ZNF211: variants seen among roughly 807,000 people sequenced by gnomAD.
ZNF211 encodes zinc finger protein 211.
A neutral mutation model predicts 12.1 loss-of-function variants in ZNF211; 18 were observed. The ratio of observed to expected loss-of-function variants is 1.48; its 90% confidence interval spans 1.03 to 2.20. The LOEUF (loss-of-function observed/expected upper bound fraction) is 2.20. Among genes scored for constraint, ZNF211 ranks in the 30% most tolerant of loss-of-function variants. ZNF211 has a pLI of 0.00. For missense variants in ZNF211, 677 were observed against 703.1 expected, an observed-to-expected ratio of 0.96 and a Z score of 0.42; for synonymous variants, 249 against 246.0, an observed-to-expected ratio of 1.01 and a Z score of -0.11.
rs774601675 is a variant in ZNF211, at chr19:57,633,916, C to T, written c.91-107C>T. Reference sequence around the variant, plus strand: ...GACCGAGGCGCACAGGTTAGACAGTCGACCCAAAGTTACGTGGCTCTGGGC... The same window carrying T: ...GACCGAGGCGCACAGGTTAGACAGTTGACCCAAAGTTACGTGGCTCTGGGC... On this transcript the variant is annotated intron_variant, in intron 1 of 3. Transcript: ENST00000240731. 3 of 1,607,970 alleles carry T rather than the reference C, an allele frequency of 1.9e-6. No individual in the cohort carries two copies. The East Asian group carries it at 6.7e-5, about 36-fold the overall frequency.
chr19:57,641,953 C>A lies in ZNF211; in HGVS notation c.1506C>A (p.Ser502=). 6.2e-7 allele frequency: 1 copy of A among 1,613,870 alleles called. No homozygotes were observed. Among genetic ancestry groups the A allele is most frequent in the African/African-American group, 1.3e-5 (1 of 74,924 alleles). The stretch of plus-strand genomic sequence containing the variant: ...TTGAGTGCAGTGAATGTAGCAAATC[C>A]TTTAGCTGTAAATCTAACCTCATTA... The part of the protein sequence containing the change: ...RPVECSECSK[S]FSCKSNLIKH... The change falls in exon 4 of 4, where the codon TCC becomes TCA. Residue 502 remains serine (S), a synonymous_variant. Coordinates refer to ENST00000240731, the MANE Select transcript of ZNF211 (RefSeq NM_006385.5).
intron 3 of ZNF211, among the ~76,000 whole-genome samples, chr19:57,638,661 G>C (rs1462989107): frequency 6.6e-6 from 1 of 152,164 alleles, no homozygotes; most frequent in African/African-American, 2.4e-5. Context: ...AATGTTTTTG[G>C]TACACATGAG....
At chr19:57,636,674 A>G (rs1982184086) in intron 3 of ZNF211, among the ~76,000 whole-genome samples, 1 of 152,130 alleles carries the variant, frequency 6.6e-6, no homozygotes, top group Admixed American at 6.5e-5. Flanking sequence ...CCTTTTCAAG[A>G]TTGTTTTAGC....
chr19:57,640,900 C>T lies in ZNF211; in HGVS notation c.453C>T (p.His151=). 2 of 1,614,242 alleles carry T rather than the reference C, an allele frequency of 1.2e-6. No individual in the cohort carries two copies. Among genetic ancestry groups the T allele is most frequent in the Non-Finnish European group, 1.7e-6 (2 of 1,180,042 alleles). ...HQGTNCGQKL[H]TCGKQFYISA... is the part of the protein sequence containing the mutation. The stretch of plus-strand genomic sequence containing the variant: ...GAACAAACTGCGGGCAGAAACTACA[C>T]ACATGTGGAAAACAATTCTACATCA... The change falls in exon 4 of 4, where the codon CAC becomes CAT. Residue 151 remains histidine, a synonymous_variant. Transcript: ENST00000240731.
chr19:57,641,880 G>T lies in ZNF211; in HGVS notation c.1433G>T (p.Ser478Ile). The T allele has an allele frequency of 6.2e-7, 1 of 1,613,998 alleles. No homozygotes were observed. The highest frequency in any genetic ancestry group is 8.5e-7 in the Non-Finnish European group (1 of 1,179,996). The change falls in exon 4 of 4, where the codon AGC becomes ATC. Residue 478 changes from serine to isoleucine, a missense_variant. By Grantham distance (142) the Ser-to-Ile change is moderately radical (BLOSUM62 -2). Coordinates refer to ENST00000240731, the MANE Select transcript of ZNF211 (RefSeq NM_006385.5). ...GAATGTGGGAAATCCTTTAGCCATA[G>T]CTCCAACCTTAAGAACCACCAGAGA... Reference protein sequence around the residue: ...CGECGKSFSHSSNLKNHQRVH... With the variant: ...CGECGKSFSHISNLKNHQRVH...
rs961387861 is a variant in ZNF211, at chr19:57,633,250, C to G, written c.-97C>G. On this transcript the variant is annotated 5_prime_UTR_variant, in exon 1 of 4. Coordinates refer to ENST00000240731, the MANE Select transcript of ZNF211 (RefSeq NM_006385.5). Reference sequence around the variant, plus strand: ...GTTCTGTCTGTCAGCCGCTTTGGTACGCTGCATCGGGATCGAAGTGACGGA... The same window carrying G: ...GTTCTGTCTGTCAGCCGCTTTGGTAGGCTGCATCGGGATCGAAGTGACGGA... 4.9e-6 allele frequency: 6 copies of G among 1,213,236 alleles called. No homozygotes were observed. The African/African-American group carries it at 9.4e-5, about 19-fold the overall frequency. 75.2% of individuals were successfully genotyped at this position (1,213,236 alleles called of 1,614,324 possible).
chr19:57,634,133 T>C lies in ZNF211; in HGVS notation c.129+72T>C, dbSNP rs1981835646. On this transcript the variant is annotated intron_variant, in intron 2 of 3. Coordinates refer to ENST00000240731, the MANE Select transcript of ZNF211 (RefSeq NM_006385.5). Reference sequence around the variant, plus strand: ...ACCCTCCCCAGACAGATATTTTCTTTAGATTTGTGGTGTCATGGGACTCAC... The same window carrying C: ...ACCCTCCCCAGACAGATATTTTCTTCAGATTTGTGGTGTCATGGGACTCAC... 2.3e-5 allele frequency: 34 copies of C among 1,472,412 alleles called. No individual in the cohort carries two copies. In the South Asian group the frequency reaches 4.3e-4, roughly 18 times the overall value. 91.2% of individuals were successfully genotyped at this position (1,472,412 alleles called of 1,614,324 possible).
rs551414276 is a variant in ZNF211, at chr19:57,634,630, G to A, written c.131G>A (p.Gly44Glu). 1.3e-6 allele frequency: 2 copies of A among 1,581,266 alleles called. No homozygotes were observed. The highest frequency in any genetic ancestry group is 1.7e-6 in the Non-Finnish European group (2 of 1,163,432). Residue 44 changes from glycine (G) to glutamate (E), a missense_variant and splice_region_variant, in exon 3 of 4, where the codon GGA (glycine) becomes GAA (glutamate). Transcript: ENST00000240731. ...ATEVLFKLTQ[G>E]SVTFEDVAVY... is the part of the protein sequence containing the mutation. The stretch of plus-strand genomic sequence containing the variant: ...TTTCATCAATCCCTATTATGCTAGG[G>A]AAGTGTGACCTTTGAAGATGTGGCC...
rs115645345 is a variant in ZNF211 at position 57,633,923 on chromosome 19, A to C, written c.91-100A>C. 1,863 of 1,607,458 alleles carry C rather than the reference A, an allele frequency of 1.2e-3. 21 individuals carry two copies. In the African/African-American group the frequency reaches 0.022, roughly 19 times the overall value. On this transcript the variant is annotated intron_variant, in intron 1 of 3. Transcript: ENST00000240731. ...GCGCACAGGTTAGACAGTCGACCCA[A>C]AGTTACGTGGCTCTGGGCCGGGGCA...
intron 3 of ZNF211, among the ~76,000 whole-genome samples, chr19:57,639,051 A>C (rs926510506): frequency 3.3e-5 from 5 of 151,988 alleles, no homozygotes; most frequent in Non-Finnish European, 5.9e-5. Flanking sequence ...ATTTGCATGG[A>C]ATATCTTTTT....
Position 57,642,610 on chromosome 19 carries a change from G to A in ZNF211, c.*429G>A, listed in dbSNP as rs1983122235. 6.2e-6 allele frequency: 1 copy of A among 160,122 alleles called. No individual in the cohort carries two copies. Among genetic ancestry groups the A allele is most frequent in the South Asian group, 1.9e-4 (1 of 5,196 alleles). The allele number at this position is 160,122 out of a possible 1,614,324, so 9.9% of individuals were successfully genotyped here. ...TGCCAGAGAACCCAATATGAGTGTTGTTGGCAGCTTGCCAAGAAGGACTGT... is the reference window on the plus strand; with the variant it reads ...TGCCAGAGAACCCAATATGAGTGTTATTGGCAGCTTGCCAAGAAGGACTGT... On this transcript the variant is annotated 3_prime_UTR_variant, in exon 4 of 4. Transcript: ENST00000240731.
At chr19:57,633,563 GAC>G in intron 1 of ZNF211, 127 bp downstream of exon 1, 12 of 1,500,592 alleles carry the variant, frequency 8.0e-6, no homozygotes, top group Non-Finnish European at 1.1e-5. Context: ...CCCTATTTCT[GAC>G]ATCCGATGTG....
chr19:57,641,936 A>G lies in ZNF211; in HGVS notation c.1489A>G (p.Ser497Gly), dbSNP rs374625116. Residue 497 changes from serine (S) to glycine (G), a missense_variant, in exon 4 of 4, where the codon AGT becomes GGT. By Grantham distance (56) the Ser-to-Gly change is moderately conservative. Coordinates refer to ENST00000240731, the MANE Select transcript of ZNF211 (RefSeq NM_006385.5). Reference sequence around the variant, plus strand: ...CACTGGAGAAAGACCTGTTGAGTGCAGTGAATGTAGCAAATCCTTTAGCTG... The same window carrying G: ...CACTGGAGAAAGACCTGTTGAGTGCGGTGAATGTAGCAAATCCTTTAGCTG... The part of the protein sequence containing the change: ...VHTGERPVEC[S>G]ECSKSFSCKS... 1.9e-5 allele frequency: 30 copies of G among 1,613,982 alleles called. No individual in the cohort carries two copies. Among genetic ancestry groups the G allele is most frequent in the South Asian group, 2.2e-5 (2 of 91,086 alleles).
At position 57,639,408 on chromosome 19, in the gene ZNF211, CTTTTTTTTTTTT is replaced by C. The variant is rs55696059; in HGVS notation, c.257-1276_257-1265del. Among the ~76,000 whole-genome samples, 121 of 20,764 alleles carry C rather than the reference CTTTTTTTTTTTT, an allele frequency of 5.8e-3. 7 individuals carry two copies. The highest frequency in any genetic ancestry group is 0.016 in the African/African-American group (78 of 4,752). The allele number at this position is 20,764 out of a possible 152,430, so 13.6% of individuals were successfully genotyped here. A position where few individuals can be genotyped will look rare whatever the true frequency, so the allele number is the denominator to read the frequency against. On this transcript the variant is annotated intron_variant, in intron 3 of 3. Coordinates refer to ENST00000240731, the MANE Select transcript of ZNF211 (RefSeq NM_006385.5). ...CTTCCCTTGTCATTTCCTTTATGTA[CTTTTTTTTTTTT>C]TTTTTTTTTTTTTTTTTTTAATGGT...
At chr19:57,633,553 C>A in intron 1 of ZNF211, 117 bp downstream of exon 1, 1 of 1,497,348 alleles carries the variant, frequency 6.7e-7, no homozygotes, top group Admixed American at 2.2e-5. Context: ...TGGGTGGGGC[C>A]CCTATTTCTG....
At chr19:57,639,408 C>CTTTTTTTTTTTTTT (rs55696059) in intron 3 of ZNF211, among the ~76,000 whole-genome samples, 1 of 20,760 alleles carries the variant, frequency 4.8e-5, no homozygotes, top group Non-Finnish European at 8.8e-5. Context: ...CCTTTATGTA[C>CTTTTTTTTTTTTTT]TTTTTTTTTT....
chr19:57,639,785 A>C, intron 3 of ZNF211: 5 of 1,044,870 alleles, frequency 4.8e-6, no homozygotes, highest in Non-Finnish European at 6.7e-6. Context: ...TACATTTAAC[A>C]TCCTAAAGTT....
chr19:57,633,891 G>T (rs1385839999), intron 1 of ZNF211, 132 bp from the exon 2 acceptor site: 1 of 1,608,100 alleles, frequency 6.2e-7, no homozygotes, highest in Admixed American at 1.7e-5. Context: ...CAGCACTAAG[G>T]ACCGAGGCGC....
chr19:57,641,893 G>A lies in ZNF211; in HGVS notation c.1446G>A (p.Lys482=), dbSNP rs758576471. ...GKSFSHSSNL[K]NHQRVHTGER... is the part of the protein sequence containing the mutation. ...CCTTTAGCCATAGCTCCAACCTTAA[G>A]AACCACCAGAGAGTTCACACTGGAG... The change falls in exon 4 of 4, where the codon AAG becomes AAA. Residue 482 remains lysine, a synonymous_variant. Coordinates refer to ENST00000240731, the MANE Select transcript of ZNF211 (RefSeq NM_006385.5). 8.7e-6 allele frequency: 14 copies of A among 1,612,482 alleles called. No homozygotes were observed. Among genetic ancestry groups the A allele is most frequent in the South Asian group, 6.6e-5 (6 of 91,036 alleles).
Sources: allele counts gnomAD v4.1 joint callset (sites outside exome capture counted in the v4.1 genomes callset), GRCh38; gene constraint gnomAD v4.1.1; transcripts MANE v1.5; gene names NCBI Gene and HGNC (gene_info 2026-07-23, HGNC 2026-07-21).